RAPGEF2: variants seen among roughly 807,000 people sequenced by gnomAD.
RAPGEF2 encodes the protein PDZ domain containing guanine nucleotide exchange factor (GEF) 1.
Under a neutral mutation model 186.7 loss-of-function variants are expected in RAPGEF2, and 54 were observed. The observed-to-expected ratio is 0.29, with a 90% confidence interval of 0.23 to 0.36. The LOEUF (loss-of-function observed/expected upper bound fraction) is 0.36, where lower values mean the gene tolerates loss of function less well. Ranked by LOEUF, RAPGEF2 falls within the 10% of genes least tolerant of loss-of-function variation. The pLI, the probability that RAPGEF2 is intolerant of heterozygous loss-of-function variation, is 1.00. For synonymous variants in RAPGEF2, 712 were observed against 705.9 expected (o/e 1.01, Z -0.14); for missense variants, 1,532 against 2,045.0 (o/e 0.75, Z 4.84).
At chr4:159,124,483 G>A (rs1206392261) in intron 1 of RAPGEF2, among the ~76,000 whole-genome samples, 1 of 152,032 alleles carries the variant, frequency 6.6e-6, no homozygotes, top group Admixed American at 6.6e-5. Context: ...AGGTTGCAGT[G>A]AGCCAAGAGC....
chr4:159,308,520 C>A (rs1763573497), intron 8 of RAPGEF2, among the ~76,000 whole-genome samples: 1 of 152,180 alleles, frequency 6.6e-6, no homozygotes, highest in Admixed American at 6.5e-5. Flanking sequence ...TATTCTTGAA[C>A]AATTCCAAGG....
At chr4:159,230,980 A>T (rs1210146863) in intron 4 of RAPGEF2, among the ~76,000 whole-genome samples, 2 of 152,190 alleles carry the variant, frequency 1.3e-5, no homozygotes, top group Non-Finnish European at 2.9e-5. Context: ...GCACAATAAT[A>T]TATATGTCAG....
chr4:159,117,496 T>G (rs528436842), intron 1 of RAPGEF2, among the ~76,000 whole-genome samples: 77 of 152,200 alleles, frequency 5.1e-4, no homozygotes, highest in Non-Finnish European at 9.7e-4. Flanking sequence ...ATCCCATAGT[T>G]AGAGAAAACT....
At chr4:159,188,663 CAA>C (rs58081505) in intron 2 of RAPGEF2, among the ~76,000 whole-genome samples, 6 of 84,808 alleles carry the variant, frequency 7.1e-5, no homozygotes, top group Admixed American at 1.2e-4. Flanking sequence ...GACTACATCT[CAA>C]AAAAAAAAAA....
Position 159,344,024 on chromosome 4 carries a change from T to G in RAPGEF2, c.3255-12T>G, listed in dbSNP as rs1561320451. On this transcript the variant is annotated splice_polypyrimidine_tract_variant and intron_variant, in intron 22 of 29. Coordinates refer to ENST00000691494, the MANE Select transcript of RAPGEF2 (RefSeq NM_001394067.2). ...ACACCCATGCTTCAATCTCCATGGC[T>G]CTCACTTACAGGAAGAAGAAATGGC... is the stretch of plus-strand genomic sequence containing the variant. 6.5e-7 allele frequency: 1 copy of G among 1,532,496 alleles called. No individual in the cohort carries two copies. Among genetic ancestry groups the G allele is most frequent in the Non-Finnish European group, 9.0e-7 (1 of 1,105,812 alleles). 94.9% of individuals were successfully genotyped at this position (1,532,496 alleles called of 1,614,324 possible).
chr4:159,337,255 T>A (rs540665548), intron 17 of RAPGEF2, among the ~76,000 whole-genome samples: 3 of 152,330 alleles, frequency 2.0e-5, no homozygotes, highest in African/African-American at 7.2e-5. Context: ...ACTGTTTTTT[T>A]ATGCTCTGTA....
At position 159,109,663 on chromosome 4, in the gene RAPGEF2, T is replaced by A. The variant is rs1738278452; in HGVS notation, c.69+5432T>A. 2.0e-5 allele frequency among the ~76,000 whole-genome samples: 3 copies of A among 152,258 alleles called. No individual in the cohort carries two copies. In the South Asian group the frequency reaches 6.2e-4, roughly 31 times the overall value. ...TAAGTAGATTGTAATTCATGAGTGC[T>A]GTAACAGCTATCCTATGACAGCACT... is the stretch of plus-strand genomic sequence containing the variant. On this transcript the variant is annotated intron_variant, in intron 1 of 29. Coordinates refer to ENST00000691494, the MANE Select transcript of RAPGEF2 (RefSeq NM_001394067.2).
intron 1 of RAPGEF2, among the ~76,000 whole-genome samples, chr4:159,155,927 C>T (rs2111203876): frequency 6.6e-6 from 1 of 152,090 alleles, no homozygotes; most frequent in South Asian, 2.1e-4. Context: ...TACTTTGATT[C>T]ATAGGTTATC....
At chr4:159,350,581 T>G (rs1198281146) in intron 26 of RAPGEF2, among the ~76,000 whole-genome samples, 1 of 152,222 alleles carries the variant, frequency 6.6e-6, no homozygotes, top group Non-Finnish European at 1.5e-5. Flanking sequence ...TATATTACAA[T>G]TTGTTCTAAC....
At chr4:159,126,128 T>C (rs1579249291) in intron 1 of RAPGEF2, among the ~76,000 whole-genome samples, 1 of 152,328 alleles carries the variant, frequency 6.6e-6, no homozygotes, top group East Asian at 1.9e-4. Flanking sequence ...TTATCCTCAA[T>C]TTTTATGTTT....
intron 7 of RAPGEF2, among the ~76,000 whole-genome samples, chr4:159,300,210 G>A (rs916180291): frequency 7.5e-6 from 1 of 133,994 alleles, no homozygotes; most frequent in Non-Finnish European, 1.7e-5. Context: ...AATATAATCT[G>A]ATTTAAACAA....
chr4:159,194,511 C>A (rs1224707394), intron 3 of RAPGEF2, among the ~76,000 whole-genome samples: 1 of 152,178 alleles, frequency 6.6e-6, no homozygotes, highest in African/African-American at 2.4e-5. Context: ...TTACTCTCCC[C>A]TCCCAGCTCC....
chr4:159,139,101 T>G (rs1742036276), intron 1 of RAPGEF2, among the ~76,000 whole-genome samples: 1 of 152,206 alleles, frequency 6.6e-6, no homozygotes, highest in African/African-American at 2.4e-5. Flanking sequence ...AGGCCCTTGG[T>G]CACATGCCAG....
chr4:159,104,553 A>AGAGAGAGAGAGT (rs1553991869), intron 1 of RAPGEF2, among the ~76,000 whole-genome samples: 7 of 136,022 alleles, frequency 5.1e-5, no homozygotes, highest in South Asian at 2.4e-4. Flanking sequence ...AGAGAGAGAG[A>AGAGAGAGAGAGT]GTGTGTGTGT....
rs1461771232 is a variant in RAPGEF2, at chr4:159,340,021, A to G, written c.2534+667A>G. Among the ~76,000 whole-genome samples, 4 of 152,230 alleles carry G rather than the reference A, an allele frequency of 2.6e-5. 1 individual carries two copies. The East Asian group carries it at 5.8e-4, about 22-fold the overall frequency. The stretch of plus-strand genomic sequence containing the variant: ...TTCAATGATATTTTCACTGTTAGGT[A>G]TATGTAACTTTATCTTCAAGTCACA... On this transcript the variant is annotated intron_variant, in intron 19 of 29. Transcript: ENST00000691494.
At chr4:159,291,979 T>C (rs910791672) in intron 7 of RAPGEF2, among the ~76,000 whole-genome samples, 10 of 152,334 alleles carry the variant, frequency 6.6e-5, no homozygotes, top group African/African-American at 2.4e-4. Flanking sequence ...ATTATAGCTA[T>C]TGTTAACATT....
At chr4:159,249,258 G>T in intron 7 of RAPGEF2, among the ~76,000 whole-genome samples, 1 of 147,654 alleles carries the variant, frequency 6.8e-6, no homozygotes. Flanking sequence ...ATTTTGCAGA[G>T]CTACATGCTG....
Position 159,107,529 on chromosome 4 carries a change from T to A in RAPGEF2, c.69+3298T>A, listed in dbSNP as rs1488401684. ...CTCTTTAAAGACCTAATGTAATGCA[T>A]TTTTAGCTAGTTGTAAAAGTTACTG... On this transcript the variant is annotated intron_variant, in intron 1 of 29. Coordinates refer to ENST00000691494, the MANE Select transcript of RAPGEF2 (RefSeq NM_001394067.2). Among the ~76,000 whole-genome samples, 4 of 152,192 alleles carry A rather than the reference T, an allele frequency of 2.6e-5. No homozygotes were observed. The East Asian group carries it at 7.7e-4, about 29-fold the overall frequency.
chr4:159,146,935 G>A (rs1449939522), intron 1 of RAPGEF2, among the ~76,000 whole-genome samples: 4 of 152,158 alleles, frequency 2.6e-5, no homozygotes, highest in African/African-American at 9.7e-5. Flanking sequence ...AGTCACCATT[G>A]ACAACATTAA....
Sources: gnomAD v4.1 joint callset for allele counts (sites outside exome capture counted in the v4.1 genomes callset) on GRCh38, gnomAD v4.1.1 for gene constraint, MANE v1.5 for transcripts, NCBI Gene and HGNC (gene_info 2026-07-23, HGNC 2026-07-21) for gene names.